The following DENND4C variants were observed in gnomAD, a reference collection of about 807,000 sequenced individuals.
DENND4C encodes the protein DENN domain containing 4C, also known as DENN domain-containing protein 4C.
A neutral mutation model predicts 203.0 loss-of-function variants in DENND4C; 108 were observed. The ratio of observed to expected loss-of-function variants is 0.53; its 90% CI spans 0.46 to 0.62. DENND4C has a LOEUF of 0.62. Among genes scored for constraint, DENND4C ranks in the 20% least tolerant of loss-of-function variants. The probability of loss-of-function intolerance (pLI) is 0.00; values close to 1 mark genes in which losing one functional copy is unlikely to be tolerated. For synonymous variants in DENND4C, 871 were observed against 792.4 expected (o/e 1.10, Z -1.67); for missense variants, 2,481 against 2,301.2 (o/e 1.08, Z -1.60).
intron 21 of DENND4C, 25 bp from the exon 22 acceptor site, chr9:19,342,608 A>G (rs1322566512): frequency 3.8e-6 from 6 of 1,573,226 alleles, no homozygotes; most frequent in South Asian, 2.4e-5. Flanking sequence ...AGTAGGAATG[A>G]TAACATCCAA....
chr9:19,327,181 T>C (rs1220032047), intron 15 of DENND4C, among the ~76,000 whole-genome samples: 2 of 152,092 alleles, frequency 1.3e-5, no homozygotes, highest in African/African-American at 4.8e-5. Flanking sequence ...GGAATCCAGA[T>C]ATTGACAAAC....
At chr9:19,251,879 C>G (rs56213516) in intron 1 of DENND4C, among the ~76,000 whole-genome samples, 7,492 of 152,228 alleles carry the variant, frequency 0.049, 289 homozygotes, top group African/African-American at 0.1. Flanking sequence ...GTCAAAGCCA[C>G]TTAACAAGTC....
At chr9:19,297,913 G>A in intron 6 of DENND4C, 143 bp from the exon 7 acceptor site, 1 of 589,614 alleles carries the variant, frequency 1.7e-6, no homozygotes, top group Non-Finnish European at 2.8e-6. Context: ...TTTACATGGA[G>A]CAAATTTACT....
At chr9:19,282,563 A>AAAAAT (rs1359255280) in intron 2 of DENND4C, among the ~76,000 whole-genome samples, 2 of 146,690 alleles carry the variant, frequency 1.4e-5, no homozygotes, top group African/African-American at 5.0e-5. Flanking sequence ...AAAAATTAAA[A>AAAAAT]AAAAAAAAAA....
chr9:19,260,010 C>T (rs1442160017), intron 1 of DENND4C, among the ~76,000 whole-genome samples: 2 of 152,054 alleles, frequency 1.3e-5, no homozygotes, highest in Non-Finnish European at 2.9e-5. Flanking sequence ...TATGATAGTT[C>T]TGTTTCTAAT....
chr9:19,356,796 A>T (rs1025696309), intron 26 of DENND4C, among the ~76,000 whole-genome samples, 176 bp from the exon 27 acceptor site: 46 of 151,180 alleles, frequency 3.0e-4, no homozygotes, highest in Admixed American at 4.6e-4. Context: ...TGTGAGAGAG[A>T]GAGAGAGAGA....
At chr9:19,367,555 G>A (rs1474704109) in intron 30 of DENND4C, among the ~76,000 whole-genome samples, 1 of 152,218 alleles carries the variant, frequency 6.6e-6, no homozygotes, top group East Asian at 1.9e-4. Flanking sequence ...GGCCAACATG[G>A]GGAAACCCCG....
chr9:19,363,408 G>T (rs941773409), intron 30 of DENND4C, among the ~76,000 whole-genome samples: 1 of 152,040 alleles, frequency 6.6e-6, no homozygotes, highest in Non-Finnish European at 1.5e-5. Flanking sequence ...AGCTGCTCGG[G>T]AGGCTAAGGC....
Position 19,372,363 on chromosome 9 carries a change from A to C in DENND4C, c.*190A>C. 1 of 608,320 alleles carries C rather than the reference A, an allele frequency of 1.6e-6. No homozygotes were observed. Among genetic ancestry groups the C allele is most frequent in the Non-Finnish European group, 2.5e-6 (1 of 394,536 alleles). 37.7% of individuals were successfully genotyped at this position (608,320 alleles called of 1,614,324 possible). A position where few individuals can be genotyped will look rare whatever the true frequency, so the allele number is the denominator to read the frequency against. ...ATATGAAGTGCCATTTGAATGTCCC[A>C]GGGCTTATTAATATTGAAGATTTTC... On this transcript the variant is annotated 3_prime_UTR_variant, in exon 33 of 33. Transcript: ENST00000434457.
chr9:19,250,190 C>A (rs1257682374), intron 1 of DENND4C, among the ~76,000 whole-genome samples: 7 of 152,152 alleles, frequency 4.6e-5, no homozygotes, highest in Non-Finnish European at 1.0e-4. Flanking sequence ...CGCCTGTAAT[C>A]CCAGCACTTT....
chr9:19,290,076 G>A (rs1390491574), intron 4 of DENND4C, among the ~76,000 whole-genome samples: 1 of 152,078 alleles, frequency 6.6e-6, no homozygotes, highest in African/African-American at 2.4e-5. Context: ...ACTTAGAGAT[G>A]GTCTATATAT....
rs758020980 is a variant in DENND4C, at chr9:19,352,715, G to A, written c.4781+50G>A. On this transcript the variant is annotated intron_variant, in intron 26 of 32. Transcript: ENST00000434457. ...AGAAGTAAGTACCCTCAAAAAACACGACTTCTGGGAGAAGAGTGAAATATT... is the reference window on the plus strand; with the variant it reads ...AGAAGTAAGTACCCTCAAAAAACACAACTTCTGGGAGAAGAGTGAAATATT... 9 of 1,389,242 alleles carry A rather than the reference G, an allele frequency of 6.5e-6. No individual in the cohort carries two copies. The East Asian group carries it at 1.7e-4, about 26-fold the overall frequency. The allele number at this position is 1,389,242 out of a possible 1,614,324, so 86.1% of individuals were successfully genotyped here.
intron 30 of DENND4C, among the ~76,000 whole-genome samples, chr9:19,367,249 A>G (rs1389810233): frequency 6.6e-6 from 1 of 152,228 alleles, no homozygotes; most frequent in Non-Finnish European, 1.5e-5. Context: ...TTAGAATATA[A>G]AATTGTGCAG....
intron 17 of DENND4C, among the ~76,000 whole-genome samples, chr9:19,334,608 C>T (rs1820020007): frequency 6.6e-6 from 1 of 151,278 alleles, no homozygotes. Flanking sequence ...TCATTACAAC[C>T]TCTACCTCCT....
intron 31 of DENND4C, among the ~76,000 whole-genome samples, chr9:19,370,286 A>AC (rs201409917): frequency 0.011 from 1,616 of 152,140 alleles, 26 homozygotes; most frequent in African/African-American, 0.037. Flanking sequence ...ACATAGCAAG[A>AC]CCCCATCTCT....
chr9:19,267,063 G>C (rs1187381977), intron 1 of DENND4C, among the ~76,000 whole-genome samples: 2 of 152,066 alleles, frequency 1.3e-5, no homozygotes, highest in Admixed American at 6.6e-5. Flanking sequence ...TATATATGCT[G>C]AGGAGAAGAA....
chr9:19,371,875 G>A lies in DENND4C; in HGVS notation c.5740+55G>A, dbSNP rs2132374898. ...GAAGTTTTACATTTTATTTTCAAAAGTAATTTTTAAAAATGTAGCTGGTAT... is the reference window on the plus strand; with the variant it reads ...GAAGTTTTACATTTTATTTTCAAAAATAATTTTTAAAAATGTAGCTGGTAT... On this transcript the variant is annotated intron_variant, in intron 32 of 32. Coordinates refer to ENST00000434457, the MANE Select transcript of DENND4C (RefSeq NM_001330640.2). 1.5e-6 allele frequency: 2 copies of A among 1,362,250 alleles called. 1 individual carries two copies. Among genetic ancestry groups the A allele is most frequent in the Middle Eastern group, 4.3e-4 (2 of 4,620 alleles). The allele number at this position is 1,362,250 out of a possible 1,614,324, so 84.4% of individuals were successfully genotyped here. A position where few individuals can be genotyped will look rare whatever the true frequency, so the allele number is the denominator to read the frequency against.
chr9:19,333,825 A>G, intron 17 of DENND4C, among the ~76,000 whole-genome samples: 1 of 152,226 alleles, frequency 6.6e-6, no homozygotes, highest in East Asian at 1.9e-4. Context: ...TGTTAAGATA[A>G]CTATAAATGA....
chr9:19,293,041 G>A (rs1425483162), intron 5 of DENND4C, among the ~76,000 whole-genome samples: 1 of 152,136 alleles, frequency 6.6e-6, no homozygotes, highest in African/African-American at 2.4e-5. Context: ...AGAAAATACT[G>A]AGTGAAGGTC....
Sources: allele counts gnomAD v4.1 joint callset (sites outside exome capture counted in the v4.1 genomes callset), GRCh38; gene constraint gnomAD v4.1.1; transcripts MANE v1.5; gene names NCBI Gene and HGNC (gene_info 2026-07-23, HGNC 2026-07-21).